DNM3: variants seen among roughly 807,000 people sequenced by gnomAD.
DNM3 encodes dynamin-3.
A neutral mutation model predicts 101.6 loss-of-function variants in DNM3; 47 were observed. The ratio of observed to expected loss-of-function variants is 0.46; its 90% CI spans 0.37 to 0.59. The LOEUF is 0.59. Ranked by LOEUF, DNM3 falls within the 20% of genes least tolerant of loss-of-function variation. The probability of loss-of-function intolerance (pLI) is 0.00; values close to 1 mark genes in which losing one functional copy is unlikely to be tolerated. For missense variants in DNM3, 849 were observed against 1,085.7 expected, an observed-to-expected ratio of 0.78 and a Z score of 3.06; for synonymous variants, 385 against 387.9, an observed-to-expected ratio of 0.99 and a Z score of 0.09.
At chr1:171,893,092 A>AC (rs2037442990) in intron 1 of DNM3, among the ~76,000 whole-genome samples, 1 of 149,836 alleles carries the variant, frequency 6.7e-6, no homozygotes, top group Admixed American at 6.6e-5. Context: ...TTCCAAAGTT[A>AC]CTTAGGTCAA....
chr1:172,203,695 C>G (rs1028535068), intron 14 of DNM3, among the ~76,000 whole-genome samples: 1 of 151,990 alleles, frequency 6.6e-6, no homozygotes, highest in Non-Finnish European at 1.5e-5. Flanking sequence ...GAAAATTACT[C>G]TATGTGTTAA....
intron 14 of DNM3, among the ~76,000 whole-genome samples, chr1:172,199,436 T>C (rs1424330837): frequency 6.6e-6 from 1 of 151,996 alleles, no homozygotes; most frequent in Non-Finnish European, 1.5e-5. Context: ...ATTTTGTCCA[T>C]GTCGAGTTTA....
intron 2 of DNM3, among the ~76,000 whole-genome samples, chr1:171,923,261 C>G (rs1196902413): frequency 6.6e-6 from 1 of 152,166 alleles, no homozygotes; most frequent in Non-Finnish European, 1.5e-5. Flanking sequence ...TTCCTAATGA[C>G]TAAAGATACT....
At chr1:172,201,736 C>T (rs572652080) in intron 14 of DNM3, among the ~76,000 whole-genome samples, 1 of 152,310 alleles carries the variant, frequency 6.6e-6, no homozygotes, top group African/African-American at 2.4e-5. Flanking sequence ...TTCAGTTGCC[C>T]CTGGGGGCCT....
rs550345794 is a variant in DNM3, at chr1:172,318,921, C to T, written c.1882-4408C>T. Among the ~76,000 whole-genome samples, 1,069 of 152,226 alleles carry T rather than the reference C, an allele frequency of 7.0e-3. 9 individuals carry two copies. The highest frequency in any genetic ancestry group is 0.024 in the African/African-American group (1,012 of 41,530). Reference sequence around the variant, plus strand: ...TCATGTGGAACCAAAAAAGAGCCTGCATCGCCAAGTCAATCCTAAGCCAAA... The same window carrying T: ...TCATGTGGAACCAAAAAAGAGCCTGTATCGCCAAGTCAATCCTAAGCCAAA... On this transcript the variant is annotated intron_variant, in intron 16 of 20. Coordinates refer to ENST00000627582, the MANE Select transcript of DNM3 (RefSeq NM_015569.5).
intron 15 of DNM3, among the ~76,000 whole-genome samples, chr1:172,276,557 ATGTGTG>A (rs60837783): frequency 6.2e-5 from 9 of 144,260 alleles, no homozygotes; most frequent in East Asian, 2.0e-4. Flanking sequence ...AAAAATCTTA[ATGTGTG>A]TGTGTGTGTG....
intron 13 of DNM3, among the ~76,000 whole-genome samples, chr1:172,127,346 T>C (rs10442603): frequency 0.22 from 33,993 of 151,094 alleles, 4,282 homozygotes; most frequent in East Asian, 0.47. Context: ...TCTTTGTCCT[T>C]GTATCCTCTT....
intron 15 of DNM3, among the ~76,000 whole-genome samples, chr1:172,304,388 A>G (rs1207927393): frequency 6.6e-6 from 1 of 151,974 alleles, no homozygotes; most frequent in African/African-American, 2.4e-5. Flanking sequence ...TTCATAAAGC[A>G]AGTCCTTAGA....
intron 1 of DNM3, among the ~76,000 whole-genome samples, chr1:171,850,417 G>A (rs1406034830): frequency 6.6e-6 from 1 of 152,064 alleles, no homozygotes; most frequent in Non-Finnish European, 1.5e-5. Context: ...ATCTAGTGGA[G>A]GTTTAGAACC....
chr1:172,194,924 T>C (rs2059891554), intron 14 of DNM3, among the ~76,000 whole-genome samples: 1 of 152,118 alleles, frequency 6.6e-6, no homozygotes, highest in Non-Finnish European at 1.5e-5. Flanking sequence ...CTGGTTATTT[T>C]GCTCATTAGT....
At chr1:171,917,242 A>G (rs941207824) in intron 1 of DNM3, among the ~76,000 whole-genome samples, 4 of 152,012 alleles carry the variant, frequency 2.6e-5, no homozygotes, top group African/African-American at 9.7e-5. Flanking sequence ...TTACATCTAT[A>G]TTGAAGAAAC....
At chr1:172,413,643 C>T (rs2071326930), downstream of DNM3, among the ~76,000 whole-genome samples, 1 of 152,200 alleles carries the variant, frequency 6.6e-6, no homozygotes, top group Admixed American at 6.5e-5. Context: ...GTTTTGATGA[C>T]AAGTCCCTTA....
intron 20 of DNM3, among the ~76,000 whole-genome samples, chr1:172,406,536 G>C (rs185126763): frequency 8.6e-5 from 13 of 151,942 alleles, no homozygotes; most frequent in African/African-American, 2.7e-4. Flanking sequence ...AAGTGCATGA[G>C]GTAAAAGGAA....
chr1:172,159,011 C>T (rs1038297888), intron 14 of DNM3, among the ~76,000 whole-genome samples: 1 of 151,932 alleles, frequency 6.6e-6, no homozygotes, highest in African/African-American at 2.4e-5. Flanking sequence ...TTGCTTGCTG[C>T]TATGTATGTA....
At chr1:172,179,413 G>T (rs994853367) in intron 14 of DNM3, among the ~76,000 whole-genome samples, 3 of 151,928 alleles carry the variant, frequency 2.0e-5, no homozygotes, top group East Asian at 1.9e-4. Context: ...AAAGTTAAAG[G>T]ATTATATAAG....
chr1:171,994,841 C>T (rs779979469), intron 4 of DNM3, among the ~76,000 whole-genome samples: 3 of 151,632 alleles, frequency 2.0e-5, no homozygotes, highest in Admixed American at 2.0e-4. Context: ...AGCTCTGAGT[C>T]AGGTCAAGTA....
intron 14 of DNM3, among the ~76,000 whole-genome samples, chr1:172,171,962 A>C (rs1366169953): frequency 2.6e-5 from 4 of 151,690 alleles, no homozygotes; most frequent in Non-Finnish European, 3.0e-5. Context: ...GTTTGGGAGC[A>C]TCAAAGAATG....
rs143979951 is a variant in DNM3 at position 172,372,448 on chromosome 1, C to T, written c.1894-6570C>T. On this transcript the variant is annotated intron_variant, in intron 17 of 20. Coordinates refer to ENST00000627582, the MANE Select transcript of DNM3 (RefSeq NM_015569.5). ...TTCATCTTTTATCTTAAACATACCACCTTGATGTTATGTGAAGCTATCTTA... is the reference window on the plus strand; with the variant it reads ...TTCATCTTTTATCTTAAACATACCATCTTGATGTTATGTGAAGCTATCTTA... 2.4e-3 allele frequency among the ~76,000 whole-genome samples: 359 copies of T among 151,948 alleles called. 3 individuals carry two copies. Among genetic ancestry groups the T allele is most frequent in the African/African-American group, 8.1e-3 (338 of 41,476 alleles).
intron 4 of DNM3, among the ~76,000 whole-genome samples, chr1:172,015,093 T>C (rs2047367446): frequency 1.3e-5 from 2 of 152,228 alleles, no homozygotes; most frequent in South Asian, 2.1e-4. Context: ...ACTGTATTTA[T>C]ATGGGTCTGT....
Sources: allele counts gnomAD v4.1 joint callset (sites outside exome capture counted in the v4.1 genomes callset), GRCh38; gene constraint gnomAD v4.1.1; transcripts MANE v1.5; gene names NCBI Gene and HGNC (gene_info 2026-07-23, HGNC 2026-07-21).